ENTPD7: variants seen among roughly 807,000 people sequenced by gnomAD.
The protein encoded by ENTPD7 is ectonucleoside triphosphate diphosphohydrolase 7, also known as NTPDase 7.
ENTPD7 carries 53 observed loss-of-function variants against 77.9 expected under a neutral mutation model. The observed-to-expected ratio is 0.68, with a 90% CI of 0.55 to 0.85. ENTPD7 has a LOEUF of 0.85. Among genes scored for constraint, ENTPD7 ranks in the 40% least tolerant of loss-of-function variants. The pLI is 0.00. For missense variants in ENTPD7, 636 were observed against 743.7 expected, an observed-to-expected ratio of 0.86 and a Z score of 1.68; for synonymous variants, 248 against 274.9, an observed-to-expected ratio of 0.90 and a Z score of 0.97.
At position 99,679,987 on chromosome 10, in the gene ENTPD7, G is replaced by A. The variant is rs557803843; in HGVS notation, c.548+112G>A. 773 of 1,269,536 alleles carry A rather than the reference G, an allele frequency of 6.1e-4. 1 individual carries two copies. Among genetic ancestry groups the A allele is most frequent in the Non-Finnish European group, 7.1e-4 (663 of 939,146 alleles). The allele number at this position is 1,269,536 out of a possible 1,614,324, so 78.6% of individuals were successfully genotyped here. On this transcript the variant is annotated intron_variant, in intron 5 of 12. Coordinates refer to ENST00000370489, the MANE Select transcript of ENTPD7 (RefSeq NM_020354.5). ...GGTCTATACCCCTAAACCCAATTAT[G>A]ACACAATCATTCATTCCCAACTTCT...
intron 6 of ENTPD7, 132 bp downstream of exon 6, chr10:99,686,027 C>T (rs1390504014): frequency 3.4e-6 from 2 of 584,944 alleles, no homozygotes; most frequent in African/African-American, 3.8e-5. Flanking sequence ...GATTCTGCTA[C>T]ATAGTTGATT....
chr10:99,687,677 A>T (rs1015566745), intron 6 of ENTPD7, among the ~76,000 whole-genome samples: 3 of 152,048 alleles, frequency 2.0e-5, no homozygotes. Flanking sequence ...CAGCTCTCAG[A>T]GCTGTTTGGA....
In ENTPD7 at chr10:99,708,634, A is replaced by C; in HGVS notation, c.*3951A>C. ...TTTGGTTTAGAAGACCAGGCTGCCCAAAAGAGCCTCCTATTTTATCCATAA... is the reference window on the plus strand; with the variant it reads ...TTTGGTTTAGAAGACCAGGCTGCCCCAAAGAGCCTCCTATTTTATCCATAA... On this transcript the variant is annotated 3_prime_UTR_variant, in exon 13 of 13. Transcript: ENST00000370489. 5.3e-6 allele frequency: 1 copy of C among 190,114 alleles called. No homozygotes were observed. The highest frequency in any genetic ancestry group is 9.8e-6 in the Non-Finnish European group (1 of 102,502). The allele number at this position is 190,114 out of a possible 1,614,324, so 11.8% of individuals were successfully genotyped here.
At chr10:99,696,874 G>A (rs1338739270) in intron 9 of ENTPD7, among the ~76,000 whole-genome samples, 1 of 152,196 alleles carries the variant, frequency 6.6e-6, no homozygotes, top group African/African-American at 2.4e-5. Context: ...GGCGTAGGTA[G>A]GGCAGGGAGG....
chr10:99,661,978 C>G (rs1418033649), intron 3 of ENTPD7, among the ~76,000 whole-genome samples: 1 of 152,148 alleles, frequency 6.6e-6, no homozygotes, highest in African/African-American at 2.4e-5. Flanking sequence ...ATCTACTAGT[C>G]TGGTATTAAT....
chr10:99,698,458 A>G (rs2036033001), intron 9 of ENTPD7, 76 bp from the exon 10 acceptor site: 7 of 1,391,886 alleles, frequency 5.0e-6, no homozygotes, highest in Non-Finnish European at 6.9e-6. Flanking sequence ...TTTCTGATGC[A>G]CATTGTGTTT....
rs372264458 is a variant in ENTPD7 at position 99,705,962 on chromosome 10, C to T, written c.*1279C>T. Reference sequence around the variant, plus strand: ...ATGAGGATTTCTCTTCATCAGGGTCCGCATGGAATCTTTCTTATATTTTAC... The same window carrying T: ...ATGAGGATTTCTCTTCATCAGGGTCTGCATGGAATCTTTCTTATATTTTAC... On this transcript the variant is annotated 3_prime_UTR_variant, in exon 13 of 13. Transcript: ENST00000370489. 1.3e-5 allele frequency: 2 copies of T among 152,166 alleles called. No individual in the cohort carries two copies. Among genetic ancestry groups the T allele is most frequent in the Admixed American group, 6.5e-5 (1 of 15,278 alleles). 9.4% of individuals were successfully genotyped at this position (152,166 alleles called of 1,614,324 possible).
chr10:99,698,405 C>T (rs1673461581), intron 9 of ENTPD7, 129 bp from the exon 10 acceptor site: 1 of 872,030 alleles, frequency 1.1e-6, no homozygotes. Context: ...AATTGCACTC[C>T]ATCCTCGTTT....
Position 99,710,505 on chromosome 10 carries a change from ACT to A in ENTPD7, c.*5825_*5826del, listed in dbSNP as rs1246542787. ...TACATTGCTTTGGGGAGTTGTTAAG[ACT>A]CTGTTTTTTCTACTGCTTCACATTA... On this transcript the variant is annotated 3_prime_UTR_variant, in exon 13 of 13. Transcript: ENST00000370489. The A allele has an allele frequency of 4.1e-6, 4 of 985,022 alleles. No homozygotes were observed. In the South Asian group the frequency reaches 1.4e-4, roughly 35 times the overall value. 61.0% of individuals were successfully genotyped at this position (985,022 alleles called of 1,614,324 possible).
At chr10:99,693,959 C>T (rs2035926544) in intron 8 of ENTPD7, among the ~76,000 whole-genome samples, 1 of 151,892 alleles carries the variant, frequency 6.6e-6, no homozygotes, top group Admixed American at 6.6e-5. Flanking sequence ...AATATAATGG[C>T]TCTTCAAGAT....
chr10:99,679,549 TTTC>T lies in ENTPD7; in HGVS notation c.397+89_397+91del, dbSNP rs1489088547. 1.0e-5 allele frequency: 15 copies of T among 1,479,938 alleles called. No homozygotes were observed. The East Asian group carries it at 2.9e-4, about 28-fold the overall frequency. 91.7% of individuals were successfully genotyped at this position (1,479,938 alleles called of 1,614,324 possible). ...AAAGAAGCAGAAAGCAAGCTACCCCTTTCTTCTTGAGAGTCTGGGTAATGGGAG... is the reference window on the plus strand; with the variant it reads ...AAAGAAGCAGAAAGCAAGCTACCCCTTTCTTGAGAGTCTGGGTAATGGGAG... On this transcript the variant is annotated intron_variant, in intron 4 of 12. Transcript: ENST00000370489.
rs2036262918 is a variant in ENTPD7 at position 99,706,805 on chromosome 10, A to T, written c.*2122A>T. 6.6e-6 allele frequency among the ~76,000 whole-genome samples: 1 copy of T among 152,200 alleles called. No homozygotes were observed. Among genetic ancestry groups the T allele is most frequent in the South Asian group, 2.1e-4 (1 of 4,836 alleles). On this transcript the variant is annotated 3_prime_UTR_variant, in exon 13 of 13. Coordinates refer to ENST00000370489, the MANE Select transcript of ENTPD7 (RefSeq NM_020354.5). ...TATGTTTTAGCTGCCTACTCAGGTA[A>T]CGTTTTCTTTTGCTCTCATCTTGGT...
In ENTPD7 at chr10:99,700,747, C is replaced by G. The variant is rs552434688; in HGVS notation, c.1336-226C>G. The G allele has an allele frequency of 6.9e-6, 4 of 579,870 alleles. No homozygotes were observed. In the East Asian group the frequency reaches 1.2e-4, roughly 17 times the overall value. 35.9% of individuals were successfully genotyped at this position (579,870 alleles called of 1,614,324 possible). ...GTCCTAACCTCAGCCCCTCTGAAGC[C>G]TAAGAGGCTCAGAAGCCACATCAAG... On this transcript the variant is annotated intron_variant, in intron 10 of 12. Coordinates refer to ENST00000370489, the MANE Select transcript of ENTPD7 (RefSeq NM_020354.5).
intron 5 of ENTPD7, among the ~76,000 whole-genome samples, chr10:99,681,309 C>T (rs1156328101): frequency 6.6e-6 from 1 of 151,848 alleles, no homozygotes; most frequent in Non-Finnish European, 1.5e-5. Context: ...GACAGGGTCT[C>T]GCTCTGTTGC....
At chr10:99,692,581 G>A (rs929387835) in intron 8 of ENTPD7, among the ~76,000 whole-genome samples, 7 of 151,818 alleles carry the variant, frequency 4.6e-5, no homozygotes, top group Non-Finnish European at 7.4e-5. Context: ...TGCATGGAGG[G>A]AACACTATAT....
intron 5 of ENTPD7, among the ~76,000 whole-genome samples, chr10:99,682,755 C>T (rs1013398423): frequency 6.6e-6 from 1 of 152,030 alleles, no homozygotes; most frequent in African/African-American, 2.4e-5. Flanking sequence ...ATTTTAGAAA[C>T]CCTGGGAAGA....
At position 99,704,764 on chromosome 10, in the gene ENTPD7, A is replaced by G. The variant is rs561827915; in HGVS notation, c.*81A>G. The G allele has an allele frequency of 1.0e-5, 13 of 1,258,712 alleles. No homozygotes were observed. Among genetic ancestry groups the G allele is most frequent in the Non-Finnish European group, 1.5e-5 (13 of 891,754 alleles). The allele number at this position is 1,258,712 out of a possible 1,614,324, so 78.0% of individuals were successfully genotyped here. ...CCTCCACTTTCTTATATAGCCTCAG[A>G]TGCTGTGATGTCTGACCTTGTGGAT... On this transcript the variant is annotated 3_prime_UTR_variant, in exon 13 of 13. Transcript: ENST00000370489.
chr10:99,666,689 A>G (rs2035554529), intron 3 of ENTPD7, among the ~76,000 whole-genome samples: 1 of 152,258 alleles, frequency 6.6e-6, no homozygotes, highest in African/African-American at 2.4e-5. Context: ...AACAAATGTC[A>G]TAGCTTAGCC....
chr10:99,699,040 G>A (rs1306021523), intron 10 of ENTPD7, among the ~76,000 whole-genome samples, 182 bp downstream of exon 10: 1 of 152,172 alleles, frequency 6.6e-6, no homozygotes, highest in Non-Finnish European at 1.5e-5. Flanking sequence ...ATCTAGCTAT[G>A]CTGTACTGCC....
Sources: gnomAD v4.1 joint callset for allele counts (sites outside exome capture counted in the v4.1 genomes callset) on GRCh38, gnomAD v4.1.1 for gene constraint, MANE v1.5 for transcripts, NCBI Gene and HGNC (gene_info 2026-07-23, HGNC 2026-07-21) for gene names.